The following ZNF420 variants were observed in gnomAD, a reference collection of about 807,000 sequenced individuals.
ZNF420 encodes the protein zinc finger protein 420.
ZNF420 carries 31 observed loss-of-function variants against 44.7 expected under a neutral mutation model. That is an observed-to-expected ratio of 0.69 (90% CI 0.52 to 0.94). The LOEUF is 0.94. ZNF420 is among the 40% of genes least tolerant of loss of function. ZNF420 has a pLI of 0.00. For missense variants in ZNF420, 681 were observed against 827.9 expected (o/e 0.82, Z 2.18); for synonymous variants, 245 against 267.4 (o/e 0.92, Z 0.82).
Position 37,130,083 on chromosome 19 carries a change from G to A in ZNF420, c.*1025G>A, listed in dbSNP as rs1467919419. ...ATAGAAGTGATATTTATATGAGTAG[G>A]AGATTTACGAAATCCATTTTTCCTG... On this transcript the variant is annotated 3_prime_UTR_variant, in exon 5 of 5. Coordinates refer to ENST00000337995, the MANE Select transcript of ZNF420 (RefSeq NM_144689.5). 13 of 1,550,184 alleles carry A rather than the reference G, an allele frequency of 8.4e-6. No individual in the cohort carries two copies. The highest frequency in any genetic ancestry group is 1.1e-5 in the Non-Finnish European group (13 of 1,146,894).
At chr19:37,013,683 C>T (rs1568418522) in intron 1 of ZNF420, among the ~76,000 whole-genome samples, 2 of 152,258 alleles carry the variant, frequency 1.3e-5, no homozygotes, top group Admixed American at 6.5e-5. Flanking sequence ...GGGCACAGAA[C>T]GGTCCCACGG....
intron 1 of ZNF420, among the ~76,000 whole-genome samples, chr19:37,061,479 C>A (rs1200390068): frequency 6.6e-6 from 1 of 152,080 alleles, no homozygotes; most frequent in Admixed American, 6.5e-5. Flanking sequence ...TGTGATAATT[C>A]ACTGATGCTA....
At chr19:37,008,118 G>C (rs2074542205) in intron 1 of ZNF420, 1 of 281,582 alleles carries the variant, frequency 3.6e-6, no homozygotes, top group African/African-American at 2.3e-5. Context: ...CTGTCAATTC[G>C]AGGACAGGTC....
chr19:37,039,208 T>A (rs2146407778), intron 1 of ZNF420, among the ~76,000 whole-genome samples: 1 of 152,210 alleles, frequency 6.6e-6, no homozygotes, highest in East Asian at 1.9e-4. Context: ...TCATGAATGT[T>A]CTTAATGGCA....
At chr19:37,108,609 G>C (rs561332183) in intron 4 of ZNF420, among the ~76,000 whole-genome samples, 3 of 152,114 alleles carry the variant, frequency 2.0e-5, no homozygotes, top group African/African-American at 7.2e-5. Flanking sequence ...ATTCTAATGC[G>C]GTATGAGGCC....
At chr19:37,031,375 C>G (rs1161492620) in intron 1 of ZNF420, among the ~76,000 whole-genome samples, 1 of 152,174 alleles carries the variant, frequency 6.6e-6, no homozygotes, top group South Asian at 2.1e-4. Flanking sequence ...ACCAAGAAGT[C>G]CTCTGTATGC....
chr19:37,058,283 G>A (rs938346265), intron 1 of ZNF420, among the ~76,000 whole-genome samples: 1 of 152,248 alleles, frequency 6.6e-6, no homozygotes, highest in Admixed American at 6.5e-5. Flanking sequence ...AGCTCCCTTG[G>A]TCTCCAAGTT....
At chr19:37,118,715 C>T (rs371152107) in intron 4 of ZNF420, among the ~76,000 whole-genome samples, 6,744 of 151,656 alleles carry the variant, frequency 0.044, 209 homozygotes, top group East Asian at 0.078. Flanking sequence ...GTGCTGTATT[C>T]AGGAAACCCA....
chr19:37,114,199 C>T (rs1970533180), intron 4 of ZNF420, among the ~76,000 whole-genome samples: 1 of 152,118 alleles, frequency 6.6e-6, no homozygotes, highest in South Asian at 2.1e-4. Flanking sequence ...ACCCTGTCCA[C>T]TAGGTGGTGG....
At chr19:37,095,640 C>T (rs1969399895) in intron 4 of ZNF420, among the ~76,000 whole-genome samples, 1 of 151,722 alleles carries the variant, frequency 6.6e-6, no homozygotes, top group South Asian at 2.1e-4. Flanking sequence ...TTCTTGTTGC[C>T]CAGGCTGTAG....
chr19:37,020,943 TG>T, intron 1 of ZNF420, among the ~76,000 whole-genome samples: 1 of 152,328 alleles, frequency 6.6e-6, no homozygotes, highest in Middle Eastern at 3.4e-3. Flanking sequence ...TGAAGAGTTC[TG>T]GAAATAAATG....
chr19:37,022,873 C>T (rs1281537707), intron 1 of ZNF420, among the ~76,000 whole-genome samples: 1 of 152,154 alleles, frequency 6.6e-6, no homozygotes, highest in Non-Finnish European at 1.5e-5. Context: ...CGCGGTGGCT[C>T]ACGCCTGTAA....
rs1971411570 is a variant in ZNF420, at chr19:37,127,397, G to A, written c.406G>A (p.Glu136Lys). 6.2e-7 allele frequency: 1 copy of A among 1,613,836 alleles called. No individual in the cohort carries two copies. The highest frequency in any genetic ancestry group is 1.1e-5 in the South Asian group (1 of 91,056). ...TCAACATTCAAGATGTCATTCTACTGAGAAACCCTATAAATGTAAGGAATG... is the reference window on the plus strand; with the variant it reads ...TCAACATTCAAGATGTCATTCTACTAAGAAACCCTATAAATGTAAGGAATG... ...LSQHSRCHSTEKPYKCKECGK... is the reference protein window; with the variant it reads ...LSQHSRCHSTKKPYKCKECGK... The change falls in exon 5 of 5, where the codon GAG becomes AAG. Residue 136 changes from glutamate (E) to lysine (K), a missense_variant. Glu to Lys is a moderately conservative substitution (Grantham distance 56, BLOSUM62 1). Coordinates refer to ENST00000337995, the MANE Select transcript of ZNF420 (RefSeq NM_144689.5).
intron 1 of ZNF420, among the ~76,000 whole-genome samples, chr19:37,034,218 T>G (rs984137096): frequency 6.6e-6 from 1 of 152,164 alleles, no homozygotes; most frequent in Non-Finnish European, 1.5e-5. Flanking sequence ...TCCTAATGGG[T>G]ATGAAGTGGT....
At position 37,127,803 on chromosome 19, in the gene ZNF420, G is replaced by A. The variant is rs1971436828; in HGVS notation, c.812G>A (p.Arg271Lys). The A allele has an allele frequency of 1.2e-6, 2 of 1,613,886 alleles. No homozygotes were observed. The highest frequency in any genetic ancestry group is 1.7e-6 in the Non-Finnish European group (2 of 1,179,894). The change falls in exon 5 of 5, where the codon AGA (arginine) becomes AAA (lysine). Residue 271 changes from arginine to lysine, a missense_variant. By Grantham distance (26) the Arg-to-Lys change is conservative. Coordinates refer to ENST00000337995, the MANE Select transcript of ZNF420 (RefSeq NM_144689.5). ...AATTCACAACTTACACTACACCAGA[G>A]ACTTCATACTGGTGAAAAGCTCTAT... ...TQNSQLTLHQ[R>K]LHTGEKLYEC... is the part of the protein sequence containing the mutation.
At chr19:37,037,626 G>A (rs116881162) in intron 1 of ZNF420, among the ~76,000 whole-genome samples, 3,057 of 152,294 alleles carry the variant, frequency 0.02, 34 homozygotes, top group Non-Finnish European at 0.032. Flanking sequence ...CCAGGCTCCT[G>A]TTTCAGGTGG....
At chr19:37,027,431 T>G (rs1010117640) in intron 1 of ZNF420, among the ~76,000 whole-genome samples, 1 of 152,216 alleles carries the variant, frequency 6.6e-6, no homozygotes, top group Non-Finnish European at 1.5e-5. Context: ...TTAATATTAT[T>G]AAGTTCATGG....
intron 2 of ZNF420, among the ~76,000 whole-genome samples, chr19:37,083,160 C>T (rs1329316854): frequency 6.7e-6 from 1 of 149,374 alleles, no homozygotes; most frequent in Admixed American, 6.7e-5. Context: ...TGCCTGGCCC[C>T]GTTTTTGCTT....
chr19:37,061,853 A>G (rs1599626554), intron 1 of ZNF420, among the ~76,000 whole-genome samples: 2 of 152,318 alleles, frequency 1.3e-5, no homozygotes, highest in East Asian at 3.9e-4. Context: ...AATCACCAAG[A>G]CTTGGGTCAT....
Sources: allele counts gnomAD v4.1 joint callset (sites outside exome capture counted in the v4.1 genomes callset), GRCh38; gene constraint gnomAD v4.1.1; transcripts MANE v1.5; gene names NCBI Gene and HGNC (gene_info 2026-07-23, HGNC 2026-07-21).